Variants in RBFOX1 observed in about 807,000 individuals in gnomAD.
The protein encoded by RBFOX1 is RNA binding fox-1 homolog 1, also known as RNA binding protein fox-1 homolog 1.
Under a neutral mutation model 57.7 loss-of-function variants are expected in RBFOX1, and 8 were observed. The observed-to-expected ratio is 0.14, with a 90% confidence interval of 0.08 to 0.25. The LOEUF (loss-of-function observed/expected upper bound fraction) is 0.25, where lower values mean the gene tolerates loss of function less well. Among genes scored for constraint, RBFOX1 ranks in the 10% least tolerant of loss-of-function variants. RBFOX1 has a pLI of 1.00. For synonymous variants in RBFOX1, 326 were observed against 222.4 expected (o/e 1.47, Z -4.15); for missense variants, 611 against 548.5 (o/e 1.11, Z -1.14).
At chr16:6,883,833 C>A (rs1462410315) in intron 3 of RBFOX1, among the ~76,000 whole-genome samples, 1 of 151,034 alleles carries the variant, frequency 6.6e-6, no homozygotes, top group African/African-American at 2.4e-5. Flanking sequence ...CTCTTTTTTC[C>A]CCCTAGGAAT....
At chr16:5,396,845 G>A (rs74775094) in intron 1 of RBFOX1, among the ~76,000 whole-genome samples, 3 of 152,296 alleles carry the variant, frequency 2.0e-5, no homozygotes, top group South Asian at 2.1e-4. Context: ...CTTGAACTTC[G>A]TTGTCTCAAA....
At chr16:7,058,801 C>T (rs184306167) in intron 4 of RBFOX1, among the ~76,000 whole-genome samples, 24 of 152,104 alleles carry the variant, frequency 1.6e-4, no homozygotes, top group Admixed American at 2.6e-4. Flanking sequence ...TGGCACACAT[C>T]GTATTTTATG....
At chr16:5,480,307 G>C (rs1288044332) in intron 2 of RBFOX1, among the ~76,000 whole-genome samples, 1 of 151,776 alleles carries the variant, frequency 6.6e-6, no homozygotes, top group Non-Finnish European at 1.5e-5. Context: ...AAGAGGATGA[G>C]ATAAAAGCAC....
chr16:7,267,930 T>C (rs2095212466), intron 4 of RBFOX1, among the ~76,000 whole-genome samples: 1 of 152,188 alleles, frequency 6.6e-6, no homozygotes, highest in Non-Finnish European at 1.5e-5. Flanking sequence ...CATGCAGCAC[T>C]TAATGGCAGG....
intron 4 of RBFOX1, among the ~76,000 whole-genome samples, chr16:7,514,778 C>A (rs568358685): frequency 2.6e-4 from 40 of 152,282 alleles, no homozygotes; most frequent in African/African-American, 9.4e-4. Context: ...CTTCTCTCTT[C>A]AATACAGAGA....
intron 4 of RBFOX1, among the ~76,000 whole-genome samples, chr16:7,207,265 C>T (rs1391135928): frequency 6.6e-6 from 1 of 152,154 alleles, no homozygotes; most frequent in Non-Finnish European, 1.5e-5. Context: ...TTCCTCTGGT[C>T]ACGTTCCGGC....
chr16:5,735,013 A>G (rs2052520663), intron 3 of RBFOX1, among the ~76,000 whole-genome samples: 1 of 152,350 alleles, frequency 6.6e-6, no homozygotes, highest in Middle Eastern at 3.4e-3. Flanking sequence ...GACAACTCCA[A>G]GGAAGATACA....
At chr16:5,822,329 G>T (rs963219048) in intron 3 of RBFOX1, among the ~76,000 whole-genome samples, 66 of 152,280 alleles carry the variant, frequency 4.3e-4, no homozygotes, top group African/African-American at 1.6e-3. Context: ...ATATGGTGCA[G>T]TGTTTACTGC....
intron 4 of RBFOX1, among the ~76,000 whole-genome samples, chr16:7,249,903 T>C (rs1309870394): frequency 6.6e-6 from 1 of 152,208 alleles, no homozygotes; most frequent in East Asian, 1.9e-4. Context: ...TTCAGAAAGG[T>C]TAAACCAATT....
chr16:5,303,385 G>A (rs531030596), intron 1 of RBFOX1, among the ~76,000 whole-genome samples: 1 of 152,156 alleles, frequency 6.6e-6, no homozygotes, highest in Non-Finnish European at 1.5e-5. Flanking sequence ...CTAGTCTTTT[G>A]GAGTCTGTAT....
chr16:6,027,050 G>C (rs1225132973), intron 1 of RBFOX1, among the ~76,000 whole-genome samples: 1 of 152,244 alleles, frequency 6.6e-6, no homozygotes, highest in Non-Finnish European at 1.5e-5. Context: ...TTCATTGCTA[G>C]TTCTGCATTT....
chr16:6,135,661 A>G (rs866870484), intron 1 of RBFOX1, among the ~76,000 whole-genome samples: 2 of 152,268 alleles, frequency 1.3e-5, no homozygotes, highest in African/African-American at 4.8e-5. Flanking sequence ...AACCATGAAC[A>G]CTAATAGTTA....
intron 3 of RBFOX1, among the ~76,000 whole-genome samples, chr16:6,986,292 C>T (rs2090262294): frequency 6.6e-6 from 1 of 152,004 alleles, no homozygotes; most frequent in South Asian, 2.1e-4. Context: ...CCTGTGCCTC[C>T]CGGGTTCAAG....
At chr16:5,751,301 TCATGAGTAATTAA>T (rs1336141145) in intron 3 of RBFOX1, among the ~76,000 whole-genome samples, 2 of 152,168 alleles carry the variant, frequency 1.3e-5, no homozygotes, top group East Asian at 3.9e-4. Flanking sequence ...TGCATTTCAC[TCATGAGTAATTAA>T]CATTTGTAGT....
At chr16:5,648,696 G>T (rs2049129346) in intron 3 of RBFOX1, among the ~76,000 whole-genome samples, 1 of 152,122 alleles carries the variant, frequency 6.6e-6, no homozygotes, top group Non-Finnish European at 1.5e-5. Context: ...GACGTGGGCA[G>T]GACTGGAAGT....
At chr16:6,479,943 C>A (rs941451877) in intron 2 of RBFOX1, among the ~76,000 whole-genome samples, 2 of 150,172 alleles carry the variant, frequency 1.3e-5, no homozygotes, top group African/African-American at 4.9e-5. Flanking sequence ...CTCAGCTACT[C>A]GGGAGGCTGA....
chr16:6,530,647 G>A (rs1298769285), intron 2 of RBFOX1, among the ~76,000 whole-genome samples: 1 of 152,104 alleles, frequency 6.6e-6, no homozygotes, highest in Non-Finnish European at 1.5e-5. Context: ...TGGCTGGGGA[G>A]GCCTCACAAT....
intron 11 of RBFOX1, among the ~76,000 whole-genome samples, chr16:7,647,933 G>C (rs1439061928): frequency 6.6e-6 from 1 of 152,104 alleles, no homozygotes. Flanking sequence ...TTTCTATGTG[G>C]TCAAAAAACA....
chr16:5,616,954 C>A (rs990833648), intron 3 of RBFOX1, among the ~76,000 whole-genome samples: 14 of 141,588 alleles, frequency 9.9e-5, no homozygotes, highest in Admixed American at 5.1e-4. Context: ...TAAATAGATA[C>A]TTATTGGCAG....
Sources: gnomAD v4.1 joint callset for allele counts (sites outside exome capture counted in the v4.1 genomes callset) on GRCh38, gnomAD v4.1.1 for gene constraint, MANE v1.5 for transcripts, NCBI Gene and HGNC (gene_info 2026-07-23, HGNC 2026-07-21) for gene names.